INVS: variants seen among roughly 807,000 people sequenced by gnomAD.
INVS encodes the protein inversin, also known as inversion of embryo turning homolog.
In INVS, 86 loss-of-function variants were observed where a neutral mutation model predicts 108.8. The ratio of observed to expected loss-of-function variants is 0.79; its 90% CI spans 0.66 to 0.95. INVS has a LOEUF of 0.95. Among genes scored for constraint, INVS ranks in the 40% least tolerant of loss-of-function variants. The pLI is 0.00. For synonymous variants in INVS, 455 were observed against 473.5 expected, an observed-to-expected ratio of 0.96 and a Z score of 0.51; for missense variants, 1,169 against 1,297.4, an observed-to-expected ratio of 0.90 and a Z score of 1.52.
chr9:100,143,508 G>A (rs1828499074), intron 3 of INVS, among the ~76,000 whole-genome samples: 1 of 152,068 alleles, frequency 6.6e-6, no homozygotes, highest in South Asian at 2.1e-4. Flanking sequence ...CGGTCACTAA[G>A]GAGGGAGTAG....
At position 100,236,369 on chromosome 9, in the gene INVS, C is replaced by T. The variant is rs573776951; in HGVS notation, c.616-3691C>T. On this transcript the variant is annotated intron_variant, in intron 5 of 16. Transcript: ENST00000262457. ...AGTCTTCTTCTGTCAATTCATCAAA[C>T]TCATTCTCTGTCCATTTTTGTTCCC... Among the ~76,000 whole-genome samples the T allele has an allele frequency of 8.5e-5, 13 of 152,300 alleles. No homozygotes were observed. The South Asian group carries it at 2.5e-3, about 29-fold the overall frequency.
chr9:100,120,766 C>G (rs1827704080), intron 2 of INVS: 3 of 152,180 alleles, frequency 2.0e-5, no homozygotes, highest in Admixed American at 6.6e-5. Flanking sequence ...GGTGGAGAAT[C>G]AAGTTATCAA....
At chr9:100,178,466 A>G (rs1588065270) in intron 3 of INVS, among the ~76,000 whole-genome samples, 1 of 152,238 alleles carries the variant, frequency 6.6e-6, no homozygotes, top group Non-Finnish European at 1.5e-5. Flanking sequence ...AGCTAAAAAA[A>G]CACAGCAGGA....
chr9:100,176,215 G>A (rs1829706855), intron 3 of INVS, among the ~76,000 whole-genome samples: 1 of 152,136 alleles, frequency 6.6e-6, no homozygotes, highest in Admixed American at 6.6e-5. Context: ...ATTTTGTGGA[G>A]GGTGGGGTAT....
At chr9:100,174,028 A>G (rs1309195988) in intron 3 of INVS, among the ~76,000 whole-genome samples, 1 of 152,238 alleles carries the variant, frequency 6.6e-6, no homozygotes, top group African/African-American at 2.4e-5. Context: ...AATCTTTACA[A>G]CACATCATTT....
chr9:100,152,191 A>G (rs1374192778), intron 3 of INVS, among the ~76,000 whole-genome samples: 2 of 151,762 alleles, frequency 1.3e-5, no homozygotes, highest in Non-Finnish European at 2.9e-5. Context: ...TCCACAGATG[A>G]TGAACATCTT....
chr9:100,257,984 A>G (rs193056300), intron 10 of INVS, among the ~76,000 whole-genome samples: 1 of 152,158 alleles, frequency 6.6e-6, no homozygotes, highest in Admixed American at 6.5e-5. Context: ...GTTCTCCTGG[A>G]TAATATCCTG....
At chr9:100,131,087 T>G (rs2118911094) in intron 3 of INVS, among the ~76,000 whole-genome samples, 1 of 152,228 alleles carries the variant, frequency 6.6e-6, no homozygotes, top group East Asian at 1.9e-4. Context: ...TCCCAAAGCA[T>G]TTTGCTCACA....
At chr9:100,148,233 T>C (rs1564132823) in intron 3 of INVS, among the ~76,000 whole-genome samples, 1 of 151,870 alleles carries the variant, frequency 6.6e-6, no homozygotes, top group Non-Finnish European at 1.5e-5. Flanking sequence ...TCTAAAGACA[T>C]ATAAGAAACT....
chr9:100,265,739 A>G (rs1465662158), intron 11 of INVS, among the ~76,000 whole-genome samples: 1 of 152,190 alleles, frequency 6.6e-6, no homozygotes, highest in African/African-American at 2.4e-5. Context: ...TAAGGTCTGG[A>G]GAATTATATT....
chr9:100,227,991 CTTTTTT>C (rs33912012), intron 4 of INVS, among the ~76,000 whole-genome samples: 40 of 133,428 alleles, frequency 3.0e-4, no homozygotes, highest in African/African-American at 1.1e-3. Context: ...TTCTTTCTTT[CTTTTTT>C]TTTTTTTTTT....
chr9:100,121,879 A>C (rs1304061151), intron 2 of INVS, among the ~76,000 whole-genome samples: 1 of 152,172 alleles, frequency 6.6e-6, no homozygotes, highest in African/African-American at 2.4e-5. Flanking sequence ...GTGTGGTGCA[A>C]GAACCTTACA....
intron 10 of INVS, among the ~76,000 whole-genome samples, chr9:100,257,641 G>C (rs1832464232): frequency 6.6e-6 from 1 of 152,318 alleles, no homozygotes; most frequent in Admixed American, 6.5e-5. Flanking sequence ...TGTCTGTAAA[G>C]GATTTTATTT....
At chr9:100,146,093 G>A (rs992562499) in intron 3 of INVS, among the ~76,000 whole-genome samples, 2 of 151,316 alleles carry the variant, frequency 1.3e-5, no homozygotes, top group African/African-American at 4.9e-5. Flanking sequence ...AGGTCCCCCC[G>A]ATCCGAGTCA....
At chr9:100,283,219 G>A (rs752730754) in intron 12 of INVS, among the ~76,000 whole-genome samples, 2 of 152,144 alleles carry the variant, frequency 1.3e-5, no homozygotes, top group African/African-American at 4.8e-5. Flanking sequence ...TGGGAGGATC[G>A]CTTGAGCCTG....
At chr9:100,272,841 A>T in intron 11 of INVS, 23 bp from the exon 12 acceptor site, 1 of 1,601,846 alleles carries the variant, frequency 6.2e-7, no homozygotes, top group South Asian at 1.1e-5. Context: ...TTAAAAAAAA[A>T]AGAAATCTTC....
intron 3 of INVS, among the ~76,000 whole-genome samples, chr9:100,155,774 T>A (rs1395210515): frequency 6.6e-6 from 1 of 152,240 alleles, no homozygotes; most frequent in African/African-American, 2.4e-5. Flanking sequence ...ACTGTTATCT[T>A]GACACAACAC....
intron 12 of INVS, among the ~76,000 whole-genome samples, chr9:100,275,779 T>A (rs999511112): frequency 6.6e-6 from 1 of 152,256 alleles, no homozygotes; most frequent in African/African-American, 2.4e-5. Context: ...GAAAAAGTTA[T>A]AGCGATATTT....
intron 7 of INVS, among the ~76,000 whole-genome samples, chr9:100,243,152 A>G (rs1391872563): frequency 2.6e-5 from 4 of 152,152 alleles, no homozygotes; most frequent in East Asian, 3.8e-4. Flanking sequence ...TATTACTTTT[A>G]TAGCACTAAG....
Sources: allele counts gnomAD v4.1 joint callset (sites outside exome capture counted in the v4.1 genomes callset), GRCh38; gene constraint gnomAD v4.1.1; transcripts MANE v1.5; gene names NCBI Gene and HGNC (gene_info 2026-07-23, HGNC 2026-07-21).